PAK4: variants seen among roughly 807,000 people sequenced by gnomAD.
PAK4 encodes p21 (RAC1) activated kinase 4, also known as serine/threonine-protein kinase PAK 4.
PAK4 carries 49 observed loss-of-function variants against 53.5 expected under a neutral mutation model. That is an observed-to-expected ratio of 0.92 (90% CI 0.73 to 1.16). The LOEUF is 1.16. Ranked by LOEUF, PAK4 falls within the 50% of genes most tolerant of loss-of-function variation. The probability of loss-of-function intolerance (pLI) is 0.00; values close to 1 mark genes in which losing one functional copy is unlikely to be tolerated. For synonymous variants in PAK4, 376 were observed against 375.6 expected (o/e 1.00, Z -0.01); for missense variants, 824 against 850.7 (o/e 0.97, Z 0.39).
At chr19:39,146,305 G>C (rs762965807) in intron 1 of PAK4, among the ~76,000 whole-genome samples, 31 of 152,182 alleles carry the variant, frequency 2.0e-4, no homozygotes, top group Non-Finnish European at 1.0e-4. Context: ...CCAGAGGACT[G>C]TGGGAGGCCC....
rs2074285361 is a variant in PAK4 at position 39,161,604 on chromosome 19, G to A, written c.-22-7928G>A. On this transcript the variant is annotated intron_variant, in intron 1 of 8. Transcript: ENST00000358301. This position sits in a 1 kb window ranked among gnomAD's most constrained non-coding sequence, Gnocchi z 4.5. ...GACTGTTCCCAGCCAGTGGGAGCCT[G>A]TGAACTCCTGAGTCAGGCGGTGGCC... 6.6e-6 allele frequency among the ~76,000 whole-genome samples: 1 copy of A among 151,870 alleles called. No individual in the cohort carries two copies. Among genetic ancestry groups the A allele is most frequent in the South Asian group, 2.1e-4 (1 of 4,804 alleles).
chr19:39,169,439 G>C, intron 1 of PAK4, 93 bp from the exon 3 acceptor site: 1 of 901,548 alleles, frequency 1.1e-6, no homozygotes, highest in South Asian at 1.5e-5. Context: ...TGTTGGTCCC[G>C]GTGTAAGATG....
intron 1 of PAK4, among the ~76,000 whole-genome samples, chr19:39,164,678 T>C (rs1600381000): frequency 1.3e-5 from 2 of 151,978 alleles, no homozygotes; most frequent in South Asian, 4.2e-4. Context: ...AACTCTGGAG[T>C]GGGCAGGACT....
At chr19:39,165,455 C>CA (rs1358996641) in intron 1 of PAK4, among the ~76,000 whole-genome samples, 2 of 150,164 alleles carry the variant, frequency 1.3e-5, no homozygotes, top group African/African-American at 4.9e-5. Flanking sequence ...GCGGAGGTTG[C>CA]AGTGAGCTGA....
chr19:39,158,180 C>T (rs916203577), intron 1 of PAK4, among the ~76,000 whole-genome samples: 9 of 147,786 alleles, frequency 6.1e-5, no homozygotes, highest in East Asian at 3.9e-4. Context: ...TGTGAGTGTG[C>T]ATGTGTGTGA....
In PAK4 at chr19:39,173,956, C is replaced by T. The variant is rs148400225; in HGVS notation, c.1044C>T (p.Ala348=). ...TGCGCAGCTCGGGCAAGCTGGTGGCCGTCAAGAAGATGGACCTGCGCAAGC... is the reference window on the plus strand; with the variant it reads ...TGCGCAGCTCGGGCAAGCTGGTGGCTGTCAAGAAGATGGACCTGCGCAAGC... The change falls in exon 4 of 9, where the codon GCC becomes GCT. Residue 348 remains alanine (A), a synonymous_variant. Transcript: ENST00000358301. This position sits in a 1 kb window ranked among gnomAD's most constrained non-coding sequence, Gnocchi z 6.9. 9.3e-5 allele frequency: 150 copies of T among 1,610,228 alleles called. No homozygotes were observed. The African/African-American group carries it at 1.5e-3, about 16-fold the overall frequency.
intron 1 of PAK4, among the ~76,000 whole-genome samples, chr19:39,144,720 G>A (rs2145162366): frequency 6.6e-6 from 1 of 152,350 alleles, no homozygotes; most frequent in South Asian, 2.1e-4. Flanking sequence ...CAAGGGGCCA[G>A]AGGATGCTGC....
chr19:39,154,653 C>T (rs1600354953), intron 1 of PAK4, among the ~76,000 whole-genome samples: 1 of 152,220 alleles, frequency 6.6e-6, no homozygotes, highest in South Asian at 2.1e-4. Flanking sequence ...GTGCAGCTCC[C>T]TCTCCGTCCA....
chr19:39,134,034 CT>C (rs1198607898), intron 1 of PAK4, among the ~76,000 whole-genome samples: 1 of 152,208 alleles, frequency 6.6e-6, no homozygotes, highest in African/African-American at 2.4e-5. Flanking sequence ...CAGGAGGCCC[CT>C]GTCCTTCTCT....
In PAK4 at chr19:39,152,666, A is replaced by G. The variant is rs562904770; in HGVS notation, c.-22-16866A>G. Among the ~76,000 whole-genome samples, 219 of 152,316 alleles carry G rather than the reference A, an allele frequency of 1.4e-3. 2 individuals are homozygous for G. The highest frequency in any genetic ancestry group is 5.1e-3 in the African/African-American group (211 of 41,574). ...CTGCGAAAGTCAACAGCCACAGGGC[A>G]TAAGGGCTTGGTTAAGATGAAAAAG... On this transcript the variant is annotated intron_variant, in intron 1 of 8. Transcript: ENST00000358301.
intron 2 of PAK4, among the ~76,000 whole-genome samples, chr19:39,170,303 C>T (rs1207917418): frequency 1.3e-5 from 2 of 151,108 alleles, no homozygotes; most frequent in East Asian, 1.9e-4. Context: ...CTGGGGAAGC[C>T]GGGCTTTAGT....
intron 1 of PAK4, among the ~76,000 whole-genome samples, chr19:39,130,555 G>T (rs891420163): frequency 2.0e-5 from 3 of 152,102 alleles, no homozygotes; most frequent in African/African-American, 7.2e-5. Context: ...GAATGACCTC[G>T]GAATGGTCGA....
In PAK4 at chr19:39,129,668, G is replaced by T. The variant is rs1442471797; in HGVS notation, c.-23+3749G>T. Among the ~76,000 whole-genome samples the T allele has an allele frequency of 3.3e-5, 5 of 149,330 alleles. No individual in the cohort carries two copies. In the South Asian group the frequency reaches 1.1e-3, roughly 33 times the overall value. On this transcript the variant is annotated intron_variant, in intron 1 of 8. Coordinates refer to ENST00000358301, the Ensembl canonical transcript of PAK4. ...CTGTTTGGAAACAGATGGGGAGATGGTTCACACAACTGGCTTAGCTGGGAC... is the reference window on the plus strand; with the variant it reads ...CTGTTTGGAAACAGATGGGGAGATGTTTCACACAACTGGCTTAGCTGGGAC...
intron 1 of PAK4, among the ~76,000 whole-genome samples, chr19:39,158,507 C>T (rs548919589): frequency 6.6e-6 from 1 of 152,190 alleles, no homozygotes; most frequent in Admixed American, 6.5e-5. Flanking sequence ...TTTCCCAGGC[C>T]GTATGGGCTC....
chr19:39,182,214 A>T (rs539730050), downstream of PAK4: 1 of 152,204 alleles, frequency 6.6e-6, no homozygotes, highest in South Asian at 2.1e-4. Context: ...AGAATTCCTT[A>T]TGCTCCCAAG....
chr19:39,157,628 G>A (rs1056843227), intron 1 of PAK4, among the ~76,000 whole-genome samples: 2 of 152,220 alleles, frequency 1.3e-5, no homozygotes, highest in African/African-American at 4.8e-5. Context: ...CATGAACGGA[G>A]GCTCTTGGTA....
At chr19:39,157,719 GC>G (rs1268152749) in intron 1 of PAK4, among the ~76,000 whole-genome samples, 3 of 152,268 alleles carry the variant, frequency 2.0e-5, no homozygotes, top group Non-Finnish European at 4.4e-5. Context: ...TCCTGTACGG[GC>G]CGCCGCGAGG....
At chr19:39,146,307 G>A (rs1234818920) in intron 1 of PAK4, among the ~76,000 whole-genome samples, 1 of 152,188 alleles carries the variant, frequency 6.6e-6, no homozygotes, top group Non-Finnish European at 1.5e-5. Context: ...AGAGGACTGT[G>A]GGAGGCCCTG....
intron 1 of PAK4, among the ~76,000 whole-genome samples, chr19:39,149,837 CAGAG>C (rs955460691): frequency 7.9e-5 from 12 of 152,128 alleles, no homozygotes; most frequent in Middle Eastern, 3.4e-3. Context: ...GCCCAGGCAA[CAGAG>C]AGAGACTCTG....
Sources: gnomAD v4.1 joint callset for allele counts (sites outside exome capture counted in the v4.1 genomes callset) on GRCh38, gnomAD v4.1.1 for gene constraint, Gnocchi (gnomAD v3.1) non-coding constraint, MANE v1.5 for transcripts, NCBI Gene and HGNC (gene_info 2026-07-23, HGNC 2026-07-21) for gene names.